MAGI2: variants seen among roughly 807,000 people sequenced by gnomAD.
MAGI2 encodes membrane-associated guanylate kinase, WW and PDZ domain-containing protein 2.
Under a neutral mutation model 133.3 loss-of-function variants are expected in MAGI2, and 35 were observed. The observed-to-expected ratio is 0.26, with a 90% CI of 0.20 to 0.35. MAGI2 has a LOEUF of 0.35. Ranked by LOEUF, MAGI2 falls within the 10% of genes least tolerant of loss-of-function variation. The pLI, the probability that MAGI2 is intolerant of heterozygous loss-of-function variation, is 1.00. For synonymous variants in MAGI2, 729 were observed against 710.6 expected (o/e 1.03, Z -0.41); for missense variants, 1,636 against 1,863.4 (o/e 0.88, Z 2.25).
chr7:78,752,240 T>C (rs1205071700), intron 2 of MAGI2, among the ~76,000 whole-genome samples: 2 of 152,168 alleles, frequency 1.3e-5, no homozygotes. Context: ...TTCTTGTGGA[T>C]TGGATAATGT....
chr7:78,808,855 G>A (rs1440558622), intron 2 of MAGI2, among the ~76,000 whole-genome samples: 1 of 152,124 alleles, frequency 6.6e-6, no homozygotes, highest in African/African-American at 2.4e-5. Flanking sequence ...AGGGGTGCAG[G>A]AGCCATGATG....
chr7:78,379,642 C>T (rs1260520081), intron 6 of MAGI2, among the ~76,000 whole-genome samples: 1 of 152,052 alleles, frequency 6.6e-6, no homozygotes, highest in African/African-American at 2.4e-5. Flanking sequence ...GACAAAATTA[C>T]AGATATGAAA....
intron 1 of MAGI2, among the ~76,000 whole-genome samples, chr7:79,425,077 A>G (rs4236608): frequency 0.42 from 63,259 of 151,582 alleles, 16,260 homozygotes; most frequent in African/African-American, 0.72. Context: ...GTGAAACTCC[A>G]TCTCTACTAA....
chr7:78,580,695 T>C (rs544211625), intron 3 of MAGI2, among the ~76,000 whole-genome samples: 1 of 152,312 alleles, frequency 6.6e-6, no homozygotes, highest in Admixed American at 6.5e-5. Context: ...GAATCTTAAG[T>C]GAATTCTGAT....
intron 1 of MAGI2, among the ~76,000 whole-genome samples, chr7:79,417,107 C>T (rs974471240): frequency 6.6e-6 from 1 of 151,950 alleles, no homozygotes; most frequent in Non-Finnish European, 1.5e-5. Context: ...AATTCACAGG[C>T]CTATATGTTT....
chr7:78,998,416 C>A (rs147766538), intron 2 of MAGI2, among the ~76,000 whole-genome samples: 4 of 152,170 alleles, frequency 2.6e-5, no homozygotes, highest in South Asian at 4.1e-4. Context: ...TTTACTCCCC[C>A]CTCCCTCCCC....
chr7:79,168,622 T>A (rs1825178782), intron 1 of MAGI2, among the ~76,000 whole-genome samples: 2 of 152,040 alleles, frequency 1.3e-5, no homozygotes, highest in African/African-American at 2.4e-5. Context: ...CTTTGACCTG[T>A]TAAACAGTGT....
Position 78,122,162 on chromosome 7 carries a change from G to A in MAGI2, c.3567+3532C>T, listed in dbSNP as rs1263104300. ...GAGAGTAGGAGGAGAATGAAATCAT[G>A]GGAGCTTGGTAATGTTCTGTTTTTT... On this transcript the variant is annotated intron_variant, in intron 20 of 21. Coordinates refer to ENST00000354212, the MANE Select transcript of MAGI2 (RefSeq NM_012301.4). Among the ~76,000 whole-genome samples, 4 of 152,170 alleles carry A rather than the reference G, an allele frequency of 2.6e-5. No individual in the cohort carries two copies. In the East Asian group the frequency reaches 5.8e-4, roughly 22 times the overall value.
intron 3 of MAGI2, among the ~76,000 whole-genome samples, chr7:78,594,034 C>T (rs1218827657): frequency 6.6e-6 from 1 of 152,186 alleles, no homozygotes; most frequent in African/African-American, 2.4e-5. Context: ...AACATGCTCA[C>T]AGATGTTTGG....
chr7:78,539,597 T>C (rs932310763), intron 3 of MAGI2, among the ~76,000 whole-genome samples: 3 of 152,238 alleles, frequency 2.0e-5, no homozygotes, highest in Admixed American at 6.5e-5. Context: ...GTGTCATTAT[T>C]ATCATTCAGT....
At chr7:78,589,268 T>C (rs1338452317) in intron 3 of MAGI2, among the ~76,000 whole-genome samples, 5 of 152,196 alleles carry the variant, frequency 3.3e-5, no homozygotes, top group Non-Finnish European at 2.9e-5. Context: ...CACTAACTAA[T>C]GTAAGAATTT....
intron 1 of MAGI2, among the ~76,000 whole-genome samples, chr7:79,401,452 C>G (rs1845463540): frequency 6.6e-6 from 1 of 152,104 alleles, no homozygotes; most frequent in Non-Finnish European, 1.5e-5. Flanking sequence ...GGCTTGTTTC[C>G]AGCTGTCATT....
chr7:78,738,420 G>A (rs1822077321), intron 2 of MAGI2, among the ~76,000 whole-genome samples: 1 of 151,878 alleles, frequency 6.6e-6, no homozygotes, highest in Non-Finnish European at 1.5e-5. Context: ...GGTAATTTAT[G>A]TTATTTCAGG....
At chr7:79,367,878 T>TATATATATATATA (rs1446885185) in intron 1 of MAGI2, among the ~76,000 whole-genome samples, 16 of 116,554 alleles carry the variant, frequency 1.4e-4, no homozygotes, top group East Asian at 2.2e-4. Flanking sequence ...TATATATATG[T>TATATATATATATA]CATTGACTGG....
intron 2 of MAGI2, among the ~76,000 whole-genome samples, chr7:78,887,610 G>T (rs999046415): frequency 6.6e-6 from 1 of 152,198 alleles, no homozygotes; most frequent in African/African-American, 2.4e-5. Context: ...AACTGATACT[G>T]TGTGGGTCTT....
chr7:79,054,086 C>T (rs560696116), intron 1 of MAGI2, among the ~76,000 whole-genome samples: 1 of 152,190 alleles, frequency 6.6e-6, no homozygotes, highest in Admixed American at 6.5e-5. Context: ...GTCCCAGCTA[C>T]TCAGGAGGCT....
intron 1 of MAGI2, chr7:79,412,561 T>C (rs889148198): frequency 6.6e-6 from 1 of 152,226 alleles, no homozygotes; most frequent in African/African-American, 2.4e-5. Flanking sequence ...CTTTCTCAGG[T>C]TGTTCTTCCT....
chr7:78,902,846 A>T (rs924131131), intron 2 of MAGI2, among the ~76,000 whole-genome samples: 4 of 152,168 alleles, frequency 2.6e-5, no homozygotes, highest in African/African-American at 9.7e-5. Flanking sequence ...TGAAAAGCTA[A>T]AATCGAGGGA....
chr7:78,665,518 T>C (rs321991), intron 2 of MAGI2, among the ~76,000 whole-genome samples: 1 of 151,912 alleles, frequency 6.6e-6, no homozygotes, highest in Non-Finnish European at 1.5e-5. Flanking sequence ...GAGCCAGAAG[T>C]GGTCCAAGGC....
Sources: allele counts gnomAD v4.1 joint callset (sites outside exome capture counted in the v4.1 genomes callset), GRCh38; gene constraint gnomAD v4.1.1; transcripts MANE v1.5; gene names NCBI Gene and HGNC (gene_info 2026-07-23, HGNC 2026-07-21).